Variants in CHRNA7 observed in about 807,000 individuals in gnomAD.
The protein encoded by CHRNA7 is neuronal acetylcholine receptor subunit alpha-7.
Under a neutral mutation model 48.0 loss-of-function variants are expected in CHRNA7, and 17 were observed. That is an observed-to-expected ratio of 0.35 (90% CI 0.24 to 0.53). The LOEUF (loss-of-function observed/expected upper bound fraction) is 0.53. Ranked by LOEUF, CHRNA7 falls within the 20% of genes least tolerant of loss-of-function variation. The pLI is 0.92. For missense variants in CHRNA7, 155 were observed against 577.7 expected (o/e 0.27, Z 7.50); for synonymous variants, 75 against 242.3 (o/e 0.31, Z 6.41).
In CHRNA7 at chr15:32,048,538, C is replaced by T. The variant is rs374340268; in HGVS notation, c.195+17501C>T. Among the ~76,000 whole-genome samples, 301 of 151,988 alleles carry T rather than the reference C, an allele frequency of 2.0e-3. 1 individual carries two copies. Among genetic ancestry groups the T allele is most frequent in the African/African-American group, 6.6e-3 (273 of 41,468 alleles). ...ATATCCCCTTTATCATTTTTTATTG[C>T]GTCTATTTGATTCTTCTCTCTTTTT... On this transcript the variant is annotated intron_variant, in intron 2 of 9. Transcript: ENST00000306901.
intron 2 of CHRNA7, among the ~76,000 whole-genome samples, chr15:32,036,902 T>C (rs1319658259): frequency 6.6e-6 from 1 of 152,138 alleles, no homozygotes; most frequent in East Asian, 1.9e-4. Context: ...TCTCTTTACA[T>C]TGTATTTCAC....
At chr15:32,123,962 GC>G (rs1005582687) in intron 4 of CHRNA7, among the ~76,000 whole-genome samples, 2 of 68,530 alleles carry the variant, frequency 2.9e-5, no homozygotes, top group African/African-American at 1.4e-4. Flanking sequence ...AGAAAATCTG[GC>G]CAAAAAAAAA....
At chr15:32,114,851 T>A (rs2050841585) in intron 4 of CHRNA7, among the ~76,000 whole-genome samples, 1 of 152,222 alleles carries the variant, frequency 6.6e-6, no homozygotes, top group Non-Finnish European at 1.5e-5. Flanking sequence ...GGCACAGCCA[T>A]GGGCTGGGGC....
At chr15:32,129,720 T>C (rs1290490981) in intron 4 of CHRNA7, among the ~76,000 whole-genome samples, 2 of 151,792 alleles carry the variant, frequency 1.3e-5, no homozygotes, top group African/African-American at 4.8e-5. Context: ...TCCGTGTCAG[T>C]GATTTTATAC....
intron 2 of CHRNA7, among the ~76,000 whole-genome samples, chr15:32,068,093 C>T (rs1000706237): frequency 4.6e-5 from 7 of 152,106 alleles, no homozygotes; most frequent in African/African-American, 1.7e-4. Flanking sequence ...AGGAGGATTG[C>T]TTGAGGCCTA....
At chr15:32,035,448 G>A (rs1455333761) in intron 2 of CHRNA7, among the ~76,000 whole-genome samples, 1 of 152,130 alleles carries the variant, frequency 6.6e-6, no homozygotes, top group African/African-American at 2.4e-5. Flanking sequence ...TGACTATTTT[G>A]GTATTTTATT....
intron 2 of CHRNA7, among the ~76,000 whole-genome samples, chr15:32,050,340 C>T (rs1334184545): frequency 2.0e-5 from 3 of 152,094 alleles, no homozygotes; most frequent in Non-Finnish European, 2.9e-5. Flanking sequence ...AGGCTTTGTT[C>T]GTTTCTTTTT....
intron 4 of CHRNA7, among the ~76,000 whole-genome samples, chr15:32,116,930 T>C (rs1295444886): frequency 6.6e-6 from 1 of 152,234 alleles, no homozygotes; most frequent in Admixed American, 6.5e-5. Flanking sequence ...CCTGACCCTG[T>C]GGCTGATAGC....
intron 4 of CHRNA7, among the ~76,000 whole-genome samples, chr15:32,145,174 TCAG>T (rs1305971786): frequency 6.6e-6 from 1 of 152,220 alleles, no homozygotes; most frequent in African/African-American, 2.4e-5. Context: ...GTAAGGCCCC[TCAG>T]CTGCAGGTCT....
At chr15:32,139,837 A>G (rs559569936) in intron 4 of CHRNA7, among the ~76,000 whole-genome samples, 1 of 152,102 alleles carries the variant, frequency 6.6e-6, no homozygotes, top group East Asian at 1.9e-4. Context: ...TTTGATCAGT[A>G]TATTTTTAAA....
Position 32,101,291 on chromosome 15 carries a change from T to TA in CHRNA7, c.196-12_196-11insA. 1 of 1,590,822 alleles carries TA rather than the reference T, an allele frequency of 6.3e-7. No individual in the cohort carries two copies. The highest frequency in any genetic ancestry group is 8.5e-7 in the Non-Finnish European group (1 of 1,173,556). Reference sequence around the variant, plus strand: ...TATTATTTATGCTGCTGCTTTTTTTTTTTTTTTGAAGGATGAGAAGAACCA... The same window carrying TA: ...TATTATTTATGCTGCTGCTTTTTTTTATTTTTTTGAAGGATGAGAAGAACCA... On this transcript the variant is annotated splice_polypyrimidine_tract_variant and intron_variant, in intron 2 of 9. Coordinates refer to ENST00000306901, the MANE Select transcript of CHRNA7 (RefSeq NM_000746.6).
chr15:32,122,297 A>G lies in CHRNA7; in HGVS notation c.350+10398A>G, dbSNP rs1344351443. On this transcript the variant is annotated intron_variant, in intron 4 of 9. Coordinates refer to ENST00000306901, the MANE Select transcript of CHRNA7 (RefSeq NM_000746.6). Reference sequence around the variant, plus strand: ...AAGAGAGCCATCTTCTAGCACCCTTAGATTAAAAATAAGTAAGTTCTGATT... The same window carrying G: ...AAGAGAGCCATCTTCTAGCACCCTTGGATTAAAAATAAGTAAGTTCTGATT... Among the ~76,000 whole-genome samples, 3 of 152,294 alleles carry G rather than the reference A, an allele frequency of 2.0e-5. No homozygotes were observed. The East Asian group carries it at 5.8e-4, about 29-fold the overall frequency.
At chr15:32,148,727 C>T (rs59152257) in intron 4 of CHRNA7, among the ~76,000 whole-genome samples, 12,156 of 152,230 alleles carry the variant, frequency 0.08, 598 homozygotes, top group South Asian at 0.24. Context: ...TGGTTTGCTC[C>T]CAAGCCCTCT....
intron 2 of CHRNA7, among the ~76,000 whole-genome samples, chr15:32,057,984 T>G (rs2049814736): frequency 6.6e-6 from 1 of 152,196 alleles, no homozygotes; most frequent in Admixed American, 6.5e-5. Context: ...TTCCCTGTTC[T>G]TTATATTACC....
At chr15:32,092,440 C>G (rs1355599470) in intron 2 of CHRNA7, among the ~76,000 whole-genome samples, 4 of 152,022 alleles carry the variant, frequency 2.6e-5, no homozygotes, top group Non-Finnish European at 5.9e-5. Context: ...GTATGCCTGG[C>G]TGCCTTTCTT....
intron 4 of CHRNA7, among the ~76,000 whole-genome samples, chr15:32,131,662 T>C (rs1025068128): frequency 6.6e-6 from 1 of 152,224 alleles, no homozygotes; most frequent in African/African-American, 2.4e-5. Flanking sequence ...TTCTGAATTA[T>C]CTGTTTTGGC....
At chr15:32,123,965 A>C (rs1393592724) in intron 4 of CHRNA7, among the ~76,000 whole-genome samples, 1 of 98,696 alleles carries the variant, frequency 1.0e-5, no homozygotes, top group Non-Finnish European at 1.9e-5. Flanking sequence ...AAATCTGGCC[A>C]AAAAAAAAAA....
Position 32,114,055 on chromosome 15 carries a change from T to C in CHRNA7, c.350+2156T>C, listed in dbSNP as rs1232568807. ...ATATATATATATATGTATATATATA[T>C]ATATACATATATATATATATACACA... On this transcript the variant is annotated intron_variant, in intron 4 of 9. Coordinates refer to ENST00000306901, the MANE Select transcript of CHRNA7 (RefSeq NM_000746.6). Among the ~76,000 whole-genome samples, 280 of 31,066 alleles carry C rather than the reference T, an allele frequency of 9.0e-3. 4 individuals are homozygous for C. The highest frequency in any genetic ancestry group is 0.02 in the Admixed American group (32 of 1,562). 20.4% of individuals were successfully genotyped at this position (31,066 alleles called of 152,430 possible).
chr15:32,115,947 A>C (rs569138880), intron 4 of CHRNA7, among the ~76,000 whole-genome samples: 1 of 152,342 alleles, frequency 6.6e-6, no homozygotes, highest in African/African-American at 2.4e-5. Context: ...GAGTCCAAAA[A>C]TTCACACAGG....
Sources: allele counts gnomAD v4.1 joint callset (sites outside exome capture counted in the v4.1 genomes callset), GRCh38; gene constraint gnomAD v4.1.1; transcripts MANE v1.5; gene names NCBI Gene and HGNC (gene_info 2026-07-23, HGNC 2026-07-21).